The following TNRC6B variants were observed in gnomAD, a reference collection of about 807,000 sequenced individuals.
The protein encoded by TNRC6B is trinucleotide repeat-containing gene 6B protein.
A neutral mutation model predicts 203.6 loss-of-function variants in TNRC6B; 52 were observed. The observed-to-expected ratio is 0.26, with a 90% confidence interval of 0.20 to 0.32. TNRC6B has a LOEUF of 0.32. Among genes scored for constraint, TNRC6B ranks in the 10% least tolerant of loss-of-function variants. The pLI is 1.00. For synonymous variants in TNRC6B, 838 were observed against 845.7 expected (o/e 0.99, Z 0.16); for missense variants, 1,923 against 2,286.2 (o/e 0.84, Z 3.24).
chr22:40,313,027 G>A lies in TNRC6B; in HGVS notation c.4678+30G>A, dbSNP rs768873908. Reference sequence around the variant, plus strand: ...GAGTGTGAATTTTTTGTTTCCCTTTGGTTAGCACTTTTTCATCAGGTTCCC... The same window carrying A: ...GAGTGTGAATTTTTTGTTTCCCTTTAGTTAGCACTTTTTCATCAGGTTCCC... On this transcript the variant is annotated intron_variant, in intron 19 of 22. Transcript: ENST00000454349. 28 of 1,564,436 alleles carry A rather than the reference G, an allele frequency of 1.8e-5. No homozygotes were observed. The East Asian group carries it at 2.7e-4, about 15-fold the overall frequency.
intron 1 of TNRC6B, among the ~76,000 whole-genome samples, chr22:40,188,414 A>G (rs1456032326): frequency 2.6e-5 from 4 of 152,180 alleles, no homozygotes; most frequent in African/African-American, 9.7e-5. Context: ...TTTAATCAGT[A>G]TGACTTCTTA....
intron 2 of TNRC6B, among the ~76,000 whole-genome samples, chr22:40,118,091 T>C (rs1354079607): frequency 1.3e-5 from 2 of 152,214 alleles, no homozygotes; most frequent in East Asian, 3.9e-4. Flanking sequence ...TATGAGCTAA[T>C]ATGAGGGGTC....
At position 40,301,315 on chromosome 22, in the gene TNRC6B, A is replaced by G. The variant is rs189281156; in HGVS notation, c.4102A>G (p.Ile1368Val). Residue 1368 changes from isoleucine to valine, a missense_variant, in exon 15 of 23, where the codon ATA (isoleucine) becomes GTA (valine). Transcript: ENST00000454349. ...GLPDLQTKGP[I>V]PGYGSGFSSG... The stretch of plus-strand genomic sequence containing the variant: ...CCCAGACCTTCAAACCAAAGGGCCA[A>G]TACCTGGATATGGTTCTGGTAAGTT... 310 of 1,606,190 alleles carry G rather than the reference A, an allele frequency of 1.9e-4. 1 individual carries two copies. In the East Asian group the frequency reaches 4.9e-3, roughly 25 times the overall value.
At chr22:40,170,813 A>C (rs1156745306) in intron 4 of TNRC6B, among the ~76,000 whole-genome samples, 4 of 63,184 alleles carry the variant, frequency 6.3e-5, no homozygotes, top group Admixed American at 2.9e-4. Flanking sequence ...ATATATGTAC[A>C]TATATGTGTG....
At chr22:40,272,224 C>G (rs1008872756) in intron 6 of TNRC6B, among the ~76,000 whole-genome samples, 3 of 152,186 alleles carry the variant, frequency 2.0e-5, no homozygotes, top group African/African-American at 7.2e-5. Context: ...CATCCCAACC[C>G]TCCCCCTTGT....
At chr22:40,120,335 CAA>C (rs11429406) in intron 2 of TNRC6B, among the ~76,000 whole-genome samples, 28 of 118,226 alleles carry the variant, frequency 2.4e-4, no homozygotes, top group East Asian at 2.9e-4. Flanking sequence ...GACCCTGTCT[CAA>C]AAAAAAAAAA....
rs116887182 is a variant in TNRC6B at position 40,292,504 on chromosome 22, A to G, written c.3708+6734A>G. Among the ~76,000 whole-genome samples the G allele has an allele frequency of 5.2e-4, 79 of 152,364 alleles. 1 individual carries two copies. In the East Asian group the frequency reaches 0.015, roughly 29 times the overall value. ...CCAGCAGGCTTTTGTCCTGACTTTA[A>G]ATTGCTGTCATTTTGCACCTGCAGT... On this transcript the variant is annotated intron_variant, in intron 12 of 22. Transcript: ENST00000454349.
At chr22:40,127,138 T>C (rs1397432100) in intron 3 of TNRC6B, among the ~76,000 whole-genome samples, 1 of 151,996 alleles carries the variant, frequency 6.6e-6, no homozygotes, top group Non-Finnish European at 1.5e-5. Flanking sequence ...CTTAACATAG[T>C]TACATGAGAC....
At chr22:40,228,307 G>A (rs894288424) in intron 1 of TNRC6B, among the ~76,000 whole-genome samples, 3 of 151,916 alleles carry the variant, frequency 2.0e-5, no homozygotes, top group Non-Finnish European at 4.4e-5. Flanking sequence ...CTGGGCACCT[G>A]TAATCCCAGC....
chr22:40,323,213 T>C lies in TNRC6B; in HGVS notation c.5474T>C (p.Leu1825Pro). ...CCTGCTCCTTTACTACCTGGTGACC[T>C]TCTGGGAGGAGGGTCGGATTCAATC... ...GSPAPLLPGDLLGGGSDSI is the reference protein window; with the variant it reads ...GSPAPLLPGDPLGGGSDSI Residue 1825 changes from leucine to proline, a missense_variant, in exon 23 of 23, where the codon CTT becomes CCT. Physicochemically the swap from Leu to Pro is moderately conservative, Grantham distance 98. Coordinates refer to ENST00000454349, the MANE Select transcript of TNRC6B (RefSeq NM_001162501.2). 1 of 1,612,990 alleles carries C rather than the reference T, an allele frequency of 6.2e-7. No homozygotes were observed. Among genetic ancestry groups the C allele is most frequent in the Non-Finnish European group, 8.5e-7 (1 of 1,179,796 alleles).
chr22:40,158,408 C>T (rs2068838183), intron 4 of TNRC6B, among the ~76,000 whole-genome samples: 1 of 151,734 alleles, frequency 6.6e-6, no homozygotes, highest in African/African-American at 2.4e-5. Context: ...TTGAGGGAGA[C>T]AATGAAAATG....
intron 3 of TNRC6B, among the ~76,000 whole-genome samples, chr22:40,149,328 A>G (rs1266457619): frequency 6.6e-6 from 1 of 152,200 alleles, no homozygotes; most frequent in Non-Finnish European, 1.5e-5. Context: ...CTATAGTGAT[A>G]GAAAGTTCAT....
At chr22:40,250,268 C>A (rs2070172247) in intron 2 of TNRC6B, among the ~76,000 whole-genome samples, 2 of 152,104 alleles carry the variant, frequency 1.3e-5, no homozygotes, top group African/African-American at 4.8e-5. Flanking sequence ...TTGTGCATCA[C>A]CTTTGTGGTT....
At chr22:40,070,049 G>A (rs1000667944) in intron 1 of TNRC6B, among the ~76,000 whole-genome samples, 13 of 151,958 alleles carry the variant, frequency 8.6e-5, no homozygotes, top group South Asian at 4.2e-4. Context: ...CTATTTTTTC[G>A]TATCTTCTAA....
intron 1 of TNRC6B, among the ~76,000 whole-genome samples, chr22:40,073,164 T>TC (rs1483968955): frequency 2.0e-5 from 3 of 147,044 alleles, no homozygotes; most frequent in Admixed American, 6.7e-5. Context: ...TTTTTTTTTT[T>TC]CCAATCCTTA....
chr22:40,093,830 G>A (rs1051518745), intron 1 of TNRC6B, among the ~76,000 whole-genome samples: 1 of 151,796 alleles, frequency 6.6e-6, no homozygotes, highest in East Asian at 1.9e-4. Flanking sequence ...ATGACAAGTG[G>A]GAATGGTTGA....
intron 1 of TNRC6B, among the ~76,000 whole-genome samples, chr22:40,070,517 GA>G (rs2067938045): frequency 6.6e-6 from 1 of 152,000 alleles, no homozygotes; most frequent in Non-Finnish European, 1.5e-5. Flanking sequence ...GTTTCCTTCA[GA>G]AAGAAGTTAA....
intron 12 of TNRC6B, among the ~76,000 whole-genome samples, chr22:40,288,149 G>C (rs778854266): frequency 5.9e-5 from 9 of 152,376 alleles, no homozygotes; most frequent in Non-Finnish European, 1.2e-4. Flanking sequence ...CAAGAAGTAT[G>C]GGACCAAATT....
intron 3 of TNRC6B, among the ~76,000 whole-genome samples, chr22:40,141,666 A>ATAAG: frequency 6.6e-6 from 1 of 152,144 alleles, no homozygotes; most frequent in East Asian, 1.9e-4. Context: ...ACTGCCCCTT[A>ATAAG]GTTCAGCTGT....
Sources: allele counts gnomAD v4.1 joint callset (sites outside exome capture counted in the v4.1 genomes callset), GRCh38; gene constraint gnomAD v4.1.1; transcripts MANE v1.5; gene names NCBI Gene and HGNC (gene_info 2026-07-23, HGNC 2026-07-21).